Variants in PUM2 observed in about 807,000 individuals in gnomAD.
PUM2 encodes the protein pumilio homolog 2.
A neutral mutation model predicts 124.5 loss-of-function variants in PUM2; 57 were observed. The ratio of observed to expected loss-of-function variants is 0.46; its 90% confidence interval spans 0.37 to 0.57. The LOEUF is 0.57. Ranked by LOEUF, PUM2 falls within the 20% of genes least tolerant of loss-of-function variation. The pLI is 0.00. For missense variants in PUM2, 1,065 were observed against 1,290.6 expected (o/e 0.83, Z 2.68); for synonymous variants, 460 against 446.1 (o/e 1.03, Z -0.39).
At chr2:20,262,481 A>G (rs930946649) in intron 14 of PUM2, among the ~76,000 whole-genome samples, 4 of 152,234 alleles carry the variant, frequency 2.6e-5, no homozygotes, top group Non-Finnish European at 5.9e-5. Flanking sequence ...AGGCTATGCC[A>G]TCTAGGTTTG....
chr2:20,260,529 AC>A (rs1335069136), intron 14 of PUM2, 63 bp from the exon 15 acceptor site: 1 of 1,415,284 alleles, frequency 7.1e-7, no homozygotes, highest in African/African-American at 1.4e-5. Context: ...ATTACACCCT[AC>A]CCTTCCACAT....
chr2:20,309,323 T>C (rs945195803), intron 5 of PUM2, among the ~76,000 whole-genome samples: 4 of 151,830 alleles, frequency 2.6e-5, no homozygotes, highest in African/African-American at 4.8e-5. Context: ...CCGAAGACCA[T>C]GCTTATTATA....
At chr2:20,334,877 G>C (rs1486073667) in intron 1 of PUM2, among the ~76,000 whole-genome samples, 2 of 152,128 alleles carry the variant, frequency 1.3e-5, no homozygotes, top group African/African-American at 2.4e-5. Context: ...ACCTAGTTGA[G>C]TCACAAATAA....
chr2:20,313,072 A>G (rs1378905098), intron 3 of PUM2, among the ~76,000 whole-genome samples: 1 of 152,240 alleles, frequency 6.6e-6, no homozygotes, highest in East Asian at 1.9e-4. Flanking sequence ...CTCAAGATGG[A>G]TTAAAGACTT....
At chr2:20,336,728 A>G (rs1686141805) in intron 1 of PUM2, among the ~76,000 whole-genome samples, 1 of 118,732 alleles carries the variant, frequency 8.4e-6, no homozygotes, top group Non-Finnish European at 1.7e-5. Flanking sequence ...ACGGGGTCTC[A>G]CCATGTTGCC....
intron 13 of PUM2, among the ~76,000 whole-genome samples, chr2:20,270,790 C>T (rs1291222400): frequency 6.6e-6 from 1 of 152,072 alleles, no homozygotes; most frequent in Non-Finnish European, 1.5e-5. Context: ...CACTCAAATT[C>T]AATTACCCAA....
intron 16 of PUM2, among the ~76,000 whole-genome samples, chr2:20,257,959 T>A (rs568506715): frequency 6.6e-6 from 1 of 152,330 alleles, no homozygotes; most frequent in South Asian, 2.1e-4. Flanking sequence ...AATAGTAACA[T>A]GCATTCTCAC....
At chr2:20,348,924 T>C (rs943488266) in intron 1 of PUM2, among the ~76,000 whole-genome samples, 4 of 152,356 alleles carry the variant, frequency 2.6e-5, no homozygotes, top group Admixed American at 2.0e-4. Context: ...AACCAGACCC[T>C]GTCTCAAACA....
At chr2:20,269,202 TA>T (rs1254852552) in intron 13 of PUM2, among the ~76,000 whole-genome samples, 2 of 151,676 alleles carry the variant, frequency 1.3e-5, no homozygotes, top group African/African-American at 4.8e-5. Flanking sequence ...ATAATAATAA[TA>T]ATTATTATTA....
At chr2:20,272,199 A>G (rs1321313818) in intron 13 of PUM2, among the ~76,000 whole-genome samples, 3 of 150,578 alleles carry the variant, frequency 2.0e-5, no homozygotes, top group Non-Finnish European at 3.0e-5. Flanking sequence ...ATAAATAAAT[A>G]AATAAATAGA....
At chr2:20,335,075 C>T (rs1685714351) in intron 1 of PUM2, among the ~76,000 whole-genome samples, 1 of 152,042 alleles carries the variant, frequency 6.6e-6, no homozygotes, top group Admixed American at 6.6e-5. Flanking sequence ...AGGTGCATGC[C>T]ACCACCCCCA....
intron 1 of PUM2, among the ~76,000 whole-genome samples, chr2:20,328,708 A>G (rs979693093): frequency 2.2e-4 from 33 of 152,236 alleles, no homozygotes; most frequent in African/African-American, 7.5e-4. Flanking sequence ...AGCAGATTAT[A>G]AAACAACAAA....
chr2:20,340,463 T>C (rs557455650), intron 1 of PUM2, among the ~76,000 whole-genome samples: 1 of 152,372 alleles, frequency 6.6e-6, no homozygotes, highest in Admixed American at 6.5e-5. Context: ...AGATGTAGTC[T>C]GGAAACTCTT....
Position 20,268,837 on chromosome 2 carries a change from T to C in PUM2, c.1958-5377A>G, listed in dbSNP as rs539938172. Among the ~76,000 whole-genome samples, 134 of 152,322 alleles carry C rather than the reference T, an allele frequency of 8.8e-4. 1 individual carries two copies. Among genetic ancestry groups the C allele is most frequent in the African/African-American group, 3.1e-3 (128 of 41,572 alleles). On this transcript the variant is annotated intron_variant, in intron 13 of 20. Transcript: ENST00000361078. ...TAAAATTTTTTGTATGTCTATTGCA[T>C]GTAAAGTATAAATCTTTTTTTGTTT...
At chr2:20,332,408 TAA>T (rs34916773) in intron 1 of PUM2, among the ~76,000 whole-genome samples, 3 of 134,336 alleles carry the variant, frequency 2.2e-5, no homozygotes, top group East Asian at 2.1e-4. Flanking sequence ...TAAAAAGACT[TAA>T]AAAAAAAAAA....
intron 1 of PUM2, among the ~76,000 whole-genome samples, chr2:20,339,345 GAA>G (rs911110740): frequency 1.7e-5 from 2 of 118,222 alleles, no homozygotes; most frequent in Non-Finnish European, 1.8e-5. Flanking sequence ...CATCTCAAGA[GAA>G]AAAAAAAAAA....
At chr2:20,334,206 G>A (rs1398044026) in intron 1 of PUM2, among the ~76,000 whole-genome samples, 1 of 152,084 alleles carries the variant, frequency 6.6e-6, no homozygotes, top group Admixed American at 6.6e-5. Flanking sequence ...CAGCTACTCA[G>A]GAGGCTGAGG....
intron 1 of PUM2, among the ~76,000 whole-genome samples, chr2:20,344,826 C>CAA (rs199837047): frequency 2.0e-5 from 3 of 150,574 alleles, no homozygotes; most frequent in African/African-American, 7.3e-5. Flanking sequence ...ACTAAAAATA[C>CAA]AAAAAAAATA....
intron 9 of PUM2, among the ~76,000 whole-genome samples, chr2:20,292,185 G>T (rs1159405593): frequency 6.6e-6 from 1 of 151,414 alleles, no homozygotes; most frequent in African/African-American, 2.4e-5. Flanking sequence ...CCGGGAGGTG[G>T]CCAAAATCCT....
Sources: gnomAD v4.1 joint callset for allele counts (sites outside exome capture counted in the v4.1 genomes callset) on GRCh38, gnomAD v4.1.1 for gene constraint, MANE v1.5 for transcripts, NCBI Gene and HGNC (gene_info 2026-07-23, HGNC 2026-07-21) for gene names.